The following DPY30 variants were observed in gnomAD, a reference collection of about 807,000 sequenced individuals.
DPY30 encodes dpy-30 histone methyltransferase complex regulatory subunit.
In DPY30, 6 loss-of-function variants were observed where a neutral mutation model predicts 16.2. The observed-to-expected ratio is 0.37, with a 90% CI of 0.20 to 0.73. The LOEUF is 0.73. DPY30 is among the 30% of genes least tolerant of loss of function. DPY30 has a pLI of 0.51. For synonymous variants in DPY30, 39 were observed against 38.8 expected (o/e 1.00, Z -0.02); for missense variants, 73 against 113.1 (o/e 0.65, Z 1.61).
At position 32,035,049 on chromosome 2, in the gene DPY30, C is replaced by CA. The variant is rs1484847923; in HGVS notation, c.84+4229dup. Among the ~76,000 whole-genome samples the CA allele has an allele frequency of 7.3e-5, 11 of 150,892 alleles. No individual in the cohort carries two copies. In the East Asian group the frequency reaches 2.0e-3, roughly 27 times the overall value. ...GCTTGAACCCGGGAGGCAGAGGTTG[C>CA]AGTGAGCCGAGAGCACGCCACTACA... On this transcript the variant is annotated intron_variant, in intron 3 of 4. Transcript: ENST00000342166.
At position 32,024,920 on chromosome 2, in the gene DPY30, C is replaced by T. The variant is rs1572992851; in HGVS notation, c.228-664G>A. Among the ~76,000 whole-genome samples the T allele has an allele frequency of 5.9e-5, 9 of 152,244 alleles. 2 individuals are homozygous for T. The highest frequency in any genetic ancestry group is 5.2e-4 in the Admixed American group (8 of 15,282). On this transcript the variant is annotated intron_variant, in intron 4 of 4. Coordinates refer to ENST00000342166, the MANE Select transcript of DPY30 (RefSeq NM_001321209.2). The stretch of plus-strand genomic sequence containing the variant: ...ATAAACACATTTATAAAACTAACAG[C>T]AGATATTTGATATTAACACTTCTAT...
intron 3 of DPY30, among the ~76,000 whole-genome samples, chr2:32,031,216 T>C (rs760233442): frequency 1.4e-5 from 2 of 148,096 alleles, no homozygotes; most frequent in African/African-American, 2.5e-5. Context: ...AGGTCAGGAG[T>C]TCAAGACAGC....
rs1342926710 is a variant in DPY30 at position 32,027,492 on chromosome 2, T to C, written c.227+2102A>G. Among the ~76,000 whole-genome samples the C allele has an allele frequency of 1.0e-4, 15 of 143,644 alleles. No individual in the cohort carries two copies. In the East Asian group the frequency reaches 2.9e-3, roughly 28 times the overall value. 94.2% of individuals were successfully genotyped at this position (143,644 alleles called of 152,430 possible). A position where few individuals can be genotyped will look rare whatever the true frequency, so the allele number is the denominator to read the frequency against. ...TTGCAGTGACCTGAGATCATGCCAC[T>C]GCATTCCAGCCCTGGGTAACAAGAA... is the stretch of plus-strand genomic sequence containing the variant. On this transcript the variant is annotated intron_variant, in intron 4 of 4. Transcript: ENST00000342166.
chr2:32,024,844 A>C (rs1675271962), intron 4 of DPY30, among the ~76,000 whole-genome samples: 1 of 148,266 alleles, frequency 6.7e-6, no homozygotes, highest in Non-Finnish European at 1.5e-5. Context: ...CTTTCTTCGA[A>C]TAATTTAAGT....
intron 5 of DPY30, among the ~76,000 whole-genome samples, chr2:32,018,854 A>G (rs1222823031): frequency 2.0e-5 from 3 of 151,780 alleles, no homozygotes; most frequent in African/African-American, 4.8e-5. Flanking sequence ...TCCTGTCTCT[A>G]TGAAAAATAC....
intron 3 of DPY30, among the ~76,000 whole-genome samples, chr2:32,035,854 A>G (rs1223689625): frequency 2.0e-5 from 3 of 151,518 alleles, no homozygotes; most frequent in African/African-American, 4.9e-5. Context: ...GAATCACTTC[A>G]ACCCGGGAGG....
chr2:32,020,643 A>G (rs544419590), downstream of DPY30, among the ~76,000 whole-genome samples: 1 of 152,294 alleles, frequency 6.6e-6, no homozygotes, highest in South Asian at 2.1e-4. Flanking sequence ...CAAGTTGTAT[A>G]TATTAAATAT....
At chr2:32,039,808 G>C, upstream of DPY30, 1 of 352,896 alleles carries the variant, frequency 2.8e-6, no homozygotes, top group South Asian at 4.2e-5. Context: ...CCGGCCGTAA[G>C]TGACGGCTGT....
At chr2:32,018,334 T>C (rs1675101532) in intron 5 of DPY30, among the ~76,000 whole-genome samples, 1 of 152,210 alleles carries the variant, frequency 6.6e-6, no homozygotes, top group Admixed American at 6.5e-5. Flanking sequence ...GTGTGCTTTG[T>C]GGAAGAAGGA....
At chr2:32,019,504 C>T (rs1005453116), downstream of DPY30, among the ~76,000 whole-genome samples, 1 of 151,728 alleles carries the variant, frequency 6.6e-6, no homozygotes, top group African/African-American at 2.4e-5. Flanking sequence ...CAGCCAGACG[C>T]TGTCTCAAAA....
intron 4 of DPY30, among the ~76,000 whole-genome samples, chr2:32,026,513 G>A (rs1033774132): frequency 1.3e-5 from 2 of 152,076 alleles, no homozygotes; most frequent in South Asian, 2.1e-4. Flanking sequence ...TTTGGAGGCC[G>A]AGTGTAATGG....
In DPY30 at chr2:32,024,104, A is replaced by C; in HGVS notation, c.*80T>G. 1.3e-6 allele frequency: 2 copies of C among 1,552,720 alleles called. No individual in the cohort carries two copies. Among genetic ancestry groups the C allele is most frequent in the Non-Finnish European group, 1.7e-6 (2 of 1,151,452 alleles). ...GGTTCTTATACATCCAAAAAGAGGGAATGATCATGGCAATTAAAGCTGCCT... is the reference window on the plus strand; with the variant it reads ...GGTTCTTATACATCCAAAAAGAGGGCATGATCATGGCAATTAAAGCTGCCT... On this transcript the variant is annotated 3_prime_UTR_variant, in exon 5 of 5. Transcript: ENST00000342166.
chr2:32,038,928 G>C (rs1425718265), intron 3 of DPY30, among the ~76,000 whole-genome samples: 2 of 152,172 alleles, frequency 1.3e-5, no homozygotes, highest in Non-Finnish European at 2.9e-5. Context: ...GATGATAGGC[G>C]TGGGCCATCG....
chr2:32,014,120 A>G (rs945008982), intron 5 of DPY30, among the ~76,000 whole-genome samples: 48 of 152,160 alleles, frequency 3.2e-4, no homozygotes, highest in African/African-American at 1.1e-3. Flanking sequence ...GTAGCAAACA[A>G]CTAGAAACAA....
At chr2:32,014,950 C>G (rs1021363927) in intron 5 of DPY30, among the ~76,000 whole-genome samples, 1 of 152,056 alleles carries the variant, frequency 6.6e-6, no homozygotes, top group Non-Finnish European at 1.5e-5. Context: ...GCATGGAATA[C>G]TTCTAGAAGG....
At chr2:32,021,335 T>A (rs1028773502), downstream of DPY30, among the ~76,000 whole-genome samples, 1 of 151,886 alleles carries the variant, frequency 6.6e-6, no homozygotes, top group Non-Finnish European at 1.5e-5. Context: ...CTTCCAAAAC[T>A]AGAATATCTT....
chr2:32,038,670 G>C (rs1314784934), intron 3 of DPY30, among the ~76,000 whole-genome samples: 2 of 78,628 alleles, frequency 2.5e-5, no homozygotes, highest in Admixed American at 1.6e-4. Context: ...TTTTTTTTGA[G>C]ACGGAGTCTC....
At chr2:32,031,195 C>T (rs1360783876) in intron 3 of DPY30, among the ~76,000 whole-genome samples, 5 of 151,406 alleles carry the variant, frequency 3.3e-5, no homozygotes, top group African/African-American at 7.3e-5. Context: ...GGCCAAGGCA[C>T]GCCGACCATG....
intron 3 of DPY30, among the ~76,000 whole-genome samples, chr2:32,034,074 A>G (rs1161446830): frequency 6.6e-6 from 1 of 152,190 alleles, no homozygotes; most frequent in Non-Finnish European, 1.5e-5. Context: ...TAAAATTTGC[A>G]AGGCAGAGCA....
Sources: allele counts gnomAD v4.1 joint callset (sites outside exome capture counted in the v4.1 genomes callset), GRCh38; gene constraint gnomAD v4.1.1; transcripts MANE v1.5; gene names NCBI Gene and HGNC (gene_info 2026-07-23, HGNC 2026-07-21).